Variants in ZMYM1 observed in about 807,000 individuals in gnomAD.
The protein encoded by ZMYM1 is zinc finger MYM-type containing 1.
A neutral mutation model predicts 60.0 loss-of-function variants in ZMYM1; 39 were observed. The ratio of observed to expected loss-of-function variants is 0.65; its 90% CI spans 0.50 to 0.85. The LOEUF is 0.85. Among genes scored for constraint, ZMYM1 ranks in the 40% least tolerant of loss-of-function variants. The pLI is 0.00. For missense variants in ZMYM1, 1,171 were observed against 1,309.5 expected, an observed-to-expected ratio of 0.89 and a Z score of 1.63; for synonymous variants, 413 against 454.0, an observed-to-expected ratio of 0.91 and a Z score of 1.15.
intron 1 of ZMYM1, among the ~76,000 whole-genome samples, chr1:35,065,037 A>C (rs1641948065): frequency 6.6e-6 from 1 of 152,132 alleles, no homozygotes; most frequent in Non-Finnish European, 1.5e-5. Flanking sequence ...ACTCAAATAA[A>C]ATTAGAATAT....
At chr1:35,073,155 G>A (rs1474071179) in intron 1 of ZMYM1, among the ~76,000 whole-genome samples, 2 of 151,014 alleles carry the variant, frequency 1.3e-5, no homozygotes, top group African/African-American at 4.9e-5. Flanking sequence ...AGCTACTCAG[G>A]GAGCTAAGGC....
At chr1:35,110,561 A>C (rs1570032763) in intron 7 of ZMYM1, 114 bp downstream of exon 7, 1 of 893,036 alleles carries the variant, frequency 1.1e-6, no homozygotes, top group East Asian at 3.4e-5. Flanking sequence ...TAAAAGTCAA[A>C]ACAATCTAAA....
Position 35,114,743 on chromosome 1 carries a change from A to C in ZMYM1, c.2913A>C (p.Gly971=), listed in dbSNP as rs1167987156. ...EQYKINIYYQ[G]LDTILQNLKL... ...ATAAAATTAATATCTATTACCAAGG[A>C]TTAGATACTATATTACAAAATTTAA... is the stretch of plus-strand genomic sequence containing the variant. Residue 971 remains glycine (G), a synonymous_variant, in exon 10 of 10, where the codon GGA becomes GGC. Transcript: ENST00000359858. 1 of 1,583,636 alleles carries C rather than the reference A, an allele frequency of 6.3e-7. No individual in the cohort carries two copies. Among genetic ancestry groups the C allele is most frequent in the Non-Finnish European group, 8.6e-7 (1 of 1,163,786 alleles).
At chr1:35,082,036 A>AT (rs1318307477) in intron 1 of ZMYM1, among the ~76,000 whole-genome samples, 8 of 152,156 alleles carry the variant, frequency 5.3e-5, no homozygotes, top group Non-Finnish European at 7.3e-5. Flanking sequence ...TAACTTGGAG[A>AT]TTCTTTTGAA....
chr1:35,062,301 A>G (rs1021686015), intron 1 of ZMYM1, among the ~76,000 whole-genome samples: 2 of 152,214 alleles, frequency 1.3e-5, no homozygotes, highest in Non-Finnish European at 2.9e-5. Context: ...TCTACTTAGA[A>G]GCAAGTTGTC....
rs778796073 is a variant in ZMYM1, at chr1:35,095,804, T to C, written c.97-15T>C. The C allele has an allele frequency of 1.1e-5, 17 of 1,548,320 alleles. No homozygotes were observed. The highest frequency in any genetic ancestry group is 1.4e-5 in the Non-Finnish European group (16 of 1,142,508). ...TATTCACTATTTTTAATTATTATTTTTTTTTTCTTTTTAGGAGTATTGTCA... is the reference window on the plus strand; with the variant it reads ...TATTCACTATTTTTAATTATTATTTCTTTTTTCTTTTTAGGAGTATTGTCA... On this transcript the variant is annotated splice_polypyrimidine_tract_variant and intron_variant, in intron 2 of 9. Coordinates refer to ENST00000359858, the MANE Select transcript of ZMYM1 (RefSeq NM_024772.5).
chr1:35,096,104 G>C (rs1318063651), intron 3 of ZMYM1, among the ~76,000 whole-genome samples: 1 of 152,030 alleles, frequency 6.6e-6, no homozygotes, highest in African/African-American at 2.4e-5. Context: ...CATGAGGTCA[G>C]GAATTCGAGA....
At chr1:35,108,859 C>T (rs1004752803) in intron 6 of ZMYM1, among the ~76,000 whole-genome samples, 2 of 151,906 alleles carry the variant, frequency 1.3e-5, no homozygotes, top group South Asian at 2.1e-4. Flanking sequence ...CACAGGCATG[C>T]GCCACCACAC....
intron 4 of ZMYM1, 145 bp downstream of exon 4, chr1:35,097,711 C>G (rs1162050144): frequency 1.5e-5 from 14 of 918,368 alleles, no homozygotes; most frequent in African/African-American, 3.3e-5. Flanking sequence ...GTGGCACGAT[C>G]TCGGCTCACT....
chr1:35,098,156 A>G (rs1001973686), intron 4 of ZMYM1, among the ~76,000 whole-genome samples: 2 of 152,196 alleles, frequency 1.3e-5, no homozygotes, highest in Admixed American at 6.5e-5. Context: ...TTAACTGTAT[A>G]GGGAGCAACC....
Position 35,085,766 on chromosome 1 carries a change from T to C in ZMYM1, c.-75+6324T>C, listed in dbSNP as rs372740734. Among the ~76,000 whole-genome samples, 3 of 152,348 alleles carry C rather than the reference T, an allele frequency of 2.0e-5. No individual in the cohort carries two copies. The East Asian group carries it at 5.8e-4, about 29-fold the overall frequency. ...TAGGGAATTATTGTTGTTAAATCAG[T>C]ATTCTGTACCCCTCATTCCCAGCCT... On this transcript the variant is annotated intron_variant, in intron 1 of 9. Coordinates refer to ENST00000359858, the MANE Select transcript of ZMYM1 (RefSeq NM_024772.5).
chr1:35,110,807 C>G (rs1455387742), intron 7 of ZMYM1, among the ~76,000 whole-genome samples: 48 of 151,868 alleles, frequency 3.2e-4, no homozygotes, highest in Admixed American at 3.0e-3. Context: ...GTTGGTGGGT[C>G]CCTGTAGTCC....
intron 1 of ZMYM1, among the ~76,000 whole-genome samples, chr1:35,067,135 C>G (rs955410681): frequency 6.6e-6 from 1 of 151,842 alleles, no homozygotes; most frequent in Non-Finnish European, 1.5e-5. Context: ...CACGCCACTA[C>G]GCCTGGCTAA....
upstream of ZMYM1, among the ~76,000 whole-genome samples, chr1:35,074,907 C>T (rs1642141139): frequency 6.6e-6 from 1 of 150,808 alleles, no homozygotes; most frequent in South Asian, 2.1e-4. Flanking sequence ...ATCGCCCAGG[C>T]TGGAGTGCAG....
At chr1:35,064,884 T>TTGC (rs1245260891) in intron 1 of ZMYM1, among the ~76,000 whole-genome samples, 1 of 151,878 alleles carries the variant, frequency 6.6e-6, no homozygotes, top group Non-Finnish European at 1.5e-5. Context: ...AGGCAGGGTT[T>TTGC]CACCGTGGTC....
chr1:35,087,021 T>C (rs1642695011), intron 1 of ZMYM1, among the ~76,000 whole-genome samples: 1 of 140,072 alleles, frequency 7.1e-6, no homozygotes, highest in African/African-American at 2.8e-5. Context: ...GATGGAGTCT[T>C]GCTCTGTCGT....
intron 1 of ZMYM1, among the ~76,000 whole-genome samples, chr1:35,082,809 G>A (rs192375244): frequency 2.6e-5 from 4 of 151,382 alleles, no homozygotes; most frequent in Non-Finnish European, 5.9e-5. Flanking sequence ...GTGAAACCCC[G>A]TCTCTACTAA....
chr1:35,089,771 A>T (rs1569906903), intron 1 of ZMYM1, among the ~76,000 whole-genome samples: 2 of 65,534 alleles, frequency 3.1e-5, no homozygotes, highest in African/African-American at 5.3e-5. Context: ...TTTGAGATGG[A>T]GTCTTGTTCT....
Position 35,115,210 on chromosome 1 carries a change from G to T in ZMYM1, c.3380G>T (p.Arg1127Ile). ...GTAAATAAACTAATGGAGCCTGAAA[G>T]ACTCAATGAAATTGTGGAAAAGTTT... Reference protein sequence around the residue: ...ELVNKLMEPERLNEIVEKFIS... With the variant: ...ELVNKLMEPEILNEIVEKFIS... Residue 1127 changes from arginine (R) to isoleucine (I), a missense_variant, in exon 10 of 10, where the codon AGA becomes ATA. Coordinates refer to ENST00000359858, the MANE Select transcript of ZMYM1 (RefSeq NM_024772.5). The T allele has an allele frequency of 6.2e-7, 1 of 1,603,762 alleles. No homozygotes were observed. Among genetic ancestry groups the T allele is most frequent in the South Asian group, 1.1e-5 (1 of 88,704 alleles).
Sources: allele counts gnomAD v4.1 joint callset (sites outside exome capture counted in the v4.1 genomes callset), GRCh38; gene constraint gnomAD v4.1.1; transcripts MANE v1.5; gene names NCBI Gene and HGNC (gene_info 2026-07-23, HGNC 2026-07-21).